The following MROH9 variants were observed in gnomAD, a reference collection of about 807,000 sequenced individuals.
MROH9 encodes the protein maestro heat-like repeat-containing protein family member 9.
MROH9 carries 92 observed loss-of-function variants against 98.2 expected under a neutral mutation model. The observed-to-expected ratio is 0.94, with a 90% CI of 0.79 to 1.11. The LOEUF (loss-of-function observed/expected upper bound fraction) is 1.11, where lower values mean the gene tolerates loss of function less well. MROH9 is among the 50% of genes most tolerant of loss of function. The probability of loss-of-function intolerance (pLI) is 0.00; values close to 1 mark genes in which losing one functional copy is unlikely to be tolerated. For synonymous variants in MROH9, 397 were observed against 368.9 expected (o/e 1.08, Z -0.87); for missense variants, 1,057 against 1,014.8 (o/e 1.04, Z -0.57).
intron 14 of MROH9, 54 bp downstream of exon 14, chr1:170,996,698 A>C: frequency 6.4e-7 from 1 of 1,563,308 alleles, no homozygotes; most frequent in Non-Finnish European, 8.7e-7. Context: ...ACCTTCTCCA[A>C]CTTCCTTCAA....
intron 20 of MROH9, among the ~76,000 whole-genome samples, chr1:171,038,259 T>G (rs140515910): frequency 2.6e-5 from 4 of 152,224 alleles, no homozygotes; most frequent in African/African-American, 9.6e-5. Flanking sequence ...ATCATTTGGC[T>G]CTTAAGCATT....
chr1:171,034,843 G>C (rs968910922), intron 20 of MROH9, among the ~76,000 whole-genome samples: 4 of 152,074 alleles, frequency 2.6e-5, no homozygotes, highest in African/African-American at 9.7e-5. Context: ...ACTCATTCAA[G>C]GAAAGACAAA....
chr1:170,939,385 G>T (rs57834074), intron 1 of MROH9, among the ~76,000 whole-genome samples: 2 of 152,108 alleles, frequency 1.3e-5, no homozygotes, highest in Non-Finnish European at 2.9e-5. Flanking sequence ...ATTTCTCTTG[G>T]CCATTGTCCT....
Position 170,995,525 on chromosome 1 carries a change from G to C in MROH9, c.1331G>C (p.Arg444Thr). Residue 444 changes from arginine (R) to threonine (T), a missense_variant, in exon 13 of 22, where the codon AGG (arginine) becomes ACG (threonine). Transcript: ENST00000367759. ...NSELKPILKD[R>T]ALYAQDALRV... ...GAGCTGAAACCGATACTCAAGGACA[G>C]GGCTTTGTGAGTTAAAACTGGTTAT... The C allele has an allele frequency of 6.2e-7, 1 of 1,613,134 alleles. No homozygotes were observed. Among genetic ancestry groups the C allele is most frequent in the South Asian group, 1.1e-5 (1 of 91,042 alleles).
chr1:171,002,168 A>G (rs1041958975), intron 15 of MROH9, among the ~76,000 whole-genome samples: 3 of 152,078 alleles, frequency 2.0e-5, no homozygotes, highest in Non-Finnish European at 2.9e-5. Flanking sequence ...GGCAGCAGAT[A>G]GTTGGTTGGT....
chr1:171,020,586 A>G (rs889434057), intron 17 of MROH9, among the ~76,000 whole-genome samples: 4 of 152,228 alleles, frequency 2.6e-5, no homozygotes, highest in Non-Finnish European at 5.9e-5. Flanking sequence ...AAAACTCTCA[A>G]TAAACCTGGT....
intron 3 of MROH9, among the ~76,000 whole-genome samples, chr1:170,958,040 ACC>A (rs1649843985): frequency 6.6e-6 from 1 of 151,090 alleles, no homozygotes; most frequent in African/African-American, 2.4e-5. Flanking sequence ...CGATCTCCTG[ACC>A]TCGTGGTCCC....
At chr1:170,986,173 A>ATCTTTCTTTC (rs1261668500) in intron 9 of MROH9, among the ~76,000 whole-genome samples, 3 of 152,122 alleles carry the variant, frequency 2.0e-5, no homozygotes, top group South Asian at 4.1e-4. Flanking sequence ...AAAAGAGGAA[A>ATCTTTCTTTC]GTCCATGCCT....
In MROH9 at chr1:171,062,186, T is replaced by C. The variant is rs141613123; in HGVS notation, c.2336T>C (p.Met779Thr). ...HLLLRDEIEV[M>T]LDVIERLLRD... ...CTGCTTAGAGATGAAATCGAAGTCA[T>C]GCTTGATGGTGAGTATTGAGGTTAT... is the stretch of plus-strand genomic sequence containing the variant. Residue 779 changes from methionine to threonine, a missense_variant, in exon 21 of 22, where the codon ATG (methionine) becomes ACG (threonine). Coordinates refer to ENST00000367759, the MANE Select transcript of MROH9 (RefSeq NM_001163629.2). The C allele has an allele frequency of 1.4e-4, 216 of 1,547,736 alleles. No individual in the cohort carries two copies. The African/African-American group carries it at 2.7e-3, about 19-fold the overall frequency.
At chr1:171,029,415 G>C (rs1227779331) in intron 20 of MROH9, among the ~76,000 whole-genome samples, 1 of 152,010 alleles carries the variant, frequency 6.6e-6, no homozygotes, top group Non-Finnish European at 1.5e-5. Flanking sequence ...TCACCATGTT[G>C]TTCAGGCTGG....
intron 11 of MROH9, among the ~76,000 whole-genome samples, chr1:170,990,426 T>C (rs997564212): frequency 6.6e-6 from 1 of 152,178 alleles, no homozygotes; most frequent in African/African-American, 2.4e-5. Flanking sequence ...TATTTCTACA[T>C]ACCAATAACA....
Position 171,024,687 on chromosome 1 carries a change from A to G in MROH9, c.2100A>G (p.Leu700=). The change falls in exon 19 of 22, where the codon TTA becomes TTG. Residue 700 remains leucine, a synonymous_variant. Coordinates refer to ENST00000367759, the MANE Select transcript of MROH9 (RefSeq NM_001163629.2). ...KYTLKICTSQ[L]KWSTSRLLKD... ...CATTAAAAATCTGTACCTCACAATT[A>G]AAGTGGTCAACATCACGTTTGCTCA... 1 of 1,551,266 alleles carries G rather than the reference A, an allele frequency of 6.4e-7. No homozygotes were observed. Among genetic ancestry groups the G allele is most frequent in the Non-Finnish European group, 8.7e-7 (1 of 1,146,718 alleles).
intron 20 of MROH9, among the ~76,000 whole-genome samples, chr1:171,040,204 G>A (rs1340469549): frequency 2.0e-5 from 3 of 152,074 alleles, no homozygotes; most frequent in African/African-American, 7.2e-5. Context: ...CCAGGAGCAA[G>A]GGCACAAGAA....
chr1:171,053,324 A>G (rs1350682796), intron 20 of MROH9, among the ~76,000 whole-genome samples: 3 of 152,294 alleles, frequency 2.0e-5, no homozygotes, highest in East Asian at 1.9e-4. Flanking sequence ...CTTGGTCCCA[A>G]ATACTCCCAG....
intron 6 of MROH9, 124 bp from the exon 7 acceptor site, chr1:170,965,027 G>T (rs915433454): frequency 1.7e-6 from 1 of 605,544 alleles, no homozygotes; most frequent in Non-Finnish European, 3.0e-6. Flanking sequence ...GATAAATGTA[G>T]GTTAAGTGTG....
At chr1:170,966,923 G>A (rs1313595355) in intron 7 of MROH9, among the ~76,000 whole-genome samples, 4 of 152,142 alleles carry the variant, frequency 2.6e-5, no homozygotes, top group Admixed American at 6.5e-5. Flanking sequence ...TATTCAGCAA[G>A]TATTTGATGA....
chr1:170,969,437 T>C (rs1650354791), intron 7 of MROH9, among the ~76,000 whole-genome samples: 1 of 152,202 alleles, frequency 6.6e-6, no homozygotes, highest in African/African-American at 2.4e-5. Context: ...AGTATTAATA[T>C]ATTAGTAAAA....
At chr1:170,995,580 CT>C in intron 13 of MROH9, 49 bp downstream of exon 13, 4 of 1,597,136 alleles carry the variant, frequency 2.5e-6, no homozygotes, top group Non-Finnish European at 2.6e-6. Flanking sequence ...AAGCGTCCAG[CT>C]GTCAATACTT....
intron 2 of MROH9, among the ~76,000 whole-genome samples, chr1:170,946,432 C>T (rs760978250): frequency 6.6e-5 from 10 of 151,850 alleles, no homozygotes; most frequent in East Asian, 1.9e-4. Context: ...CTAAATGCAA[C>T]GTGGAATCCT....
Sources: allele counts gnomAD v4.1 joint callset (sites outside exome capture counted in the v4.1 genomes callset), GRCh38; gene constraint gnomAD v4.1.1; transcripts MANE v1.5; gene names NCBI Gene and HGNC (gene_info 2026-07-23, HGNC 2026-07-21).